The following LPP variants were observed in gnomAD, a reference collection of about 807,000 sequenced individuals.
The protein encoded by LPP is LIM domain containing preferred translocation partner in lipoma, also known as lipoma-preferred partner.
Under a neutral mutation model 60.4 loss-of-function variants are expected in LPP, and 38 were observed. The observed-to-expected ratio is 0.63, with a 90% CI of 0.49 to 0.83. The LOEUF (loss-of-function observed/expected upper bound fraction) is 0.83, where lower values mean the gene tolerates loss of function less well. Ranked by LOEUF, LPP falls within the 40% of genes least tolerant of loss-of-function variation. LPP has a pLI of 0.00. For missense variants in LPP, 902 were observed against 783.6 expected (o/e 1.15, Z -1.80); for synonymous variants, 328 against 290.8 (o/e 1.13, Z -1.30).
At chr3:188,494,626 T>A (rs969982085) in intron 5 of LPP, among the ~76,000 whole-genome samples, 2 of 151,974 alleles carry the variant, frequency 1.3e-5, no homozygotes, top group African/African-American at 4.8e-5. Flanking sequence ...TCAAACTCAC[T>A]TTGCTGCCTG....
chr3:188,461,134 C>T lies in LPP; in HGVS notation c.194-23458C>T, dbSNP rs561147064. Among the ~76,000 whole-genome samples the T allele has an allele frequency of 2.0e-5, 3 of 152,278 alleles. No homozygotes were observed. In the East Asian group the frequency reaches 5.8e-4, roughly 29 times the overall value. The stretch of plus-strand genomic sequence containing the variant: ...GAAAAAGAGTTTCTGACAAAGTGAT[C>T]TGAAGGTAGAATGGGCTGTCCTGGG... On this transcript the variant is annotated intron_variant, in intron 4 of 11. Coordinates refer to ENST00000617246, the MANE Select transcript of LPP (RefSeq NM_001375462.1).
intron 1 of LPP, chr3:188,213,154 C>T (rs374157142): frequency 9.9e-5 from 15 of 152,084 alleles, no homozygotes; most frequent in African/African-American, 1.9e-4. Context: ...GAAGGGATGT[C>T]GGGATGTCTG....
chr3:188,514,505 T>C (rs879823938), intron 5 of LPP, among the ~76,000 whole-genome samples: 1 of 152,014 alleles, frequency 6.6e-6, no homozygotes, highest in Non-Finnish European at 1.5e-5. Flanking sequence ...GGTAAGATCT[T>C]GGCTCACTGC....
Position 188,884,226 on chromosome 3 carries a change from T to C in LPP, c.*9747T>C, listed in dbSNP as rs1770398694. Reference sequence around the variant, plus strand: ...AGCCATTAAGTGACTTGCCAAAAGCTGTGACATAGCTGGGAAGTGGCAGAT... The same window carrying C: ...AGCCATTAAGTGACTTGCCAAAAGCCGTGACATAGCTGGGAAGTGGCAGAT... On this transcript the variant is annotated 3_prime_UTR_variant, in exon 12 of 12. Transcript: ENST00000617246. 4.4e-6 allele frequency: 1 copy of C among 229,812 alleles called. No homozygotes were observed. Among genetic ancestry groups the C allele is most frequent in the East Asian group, 6.2e-5 (1 of 16,094 alleles). The allele number at this position is 229,812 out of a possible 1,614,324, so 14.2% of individuals were successfully genotyped here. A position where few individuals can be genotyped will look rare whatever the true frequency, so the allele number is the denominator to read the frequency against.
At chr3:188,790,822 A>C (rs1743451958) in intron 9 of LPP, among the ~76,000 whole-genome samples, 1 of 13,884 alleles carries the variant, frequency 7.2e-5, no homozygotes, top group Non-Finnish European at 1.4e-4. Context: ...CTCTGTCTCC[A>C]AAAAAAAAAA....
At chr3:188,809,908 G>A (rs893138301) in intron 9 of LPP, among the ~76,000 whole-genome samples, 1 of 152,240 alleles carries the variant, frequency 6.6e-6, no homozygotes, top group East Asian at 1.9e-4. Flanking sequence ...TGGCTAGCCA[G>A]TTTTCCCAGC....
chr3:188,790,821 C>A (rs1421368957), intron 9 of LPP, among the ~76,000 whole-genome samples: 33 of 146,420 alleles, frequency 2.3e-4, no homozygotes, highest in Admixed American at 4.8e-4. Flanking sequence ...ACTCTGTCTC[C>A]AAAAAAAAAA....
intron 6 of LPP, among the ~76,000 whole-genome samples, chr3:188,534,812 A>T (rs1471272494): frequency 6.6e-6 from 1 of 152,226 alleles, no homozygotes; most frequent in Admixed American, 6.5e-5. Context: ...GGTGGTTAAT[A>T]ACTCATCCTA....
At chr3:188,494,783 A>T (rs1053636440) in intron 5 of LPP, among the ~76,000 whole-genome samples, 1 of 152,030 alleles carries the variant, frequency 6.6e-6, no homozygotes. Context: ...TACTGGCTGC[A>T]TGACTGTAAC....
chr3:188,655,811 C>T (rs1165613309), intron 7 of LPP, among the ~76,000 whole-genome samples: 1 of 152,116 alleles, frequency 6.6e-6, no homozygotes, highest in African/African-American at 2.4e-5. Context: ...TTGAACTTTT[C>T]AGTCAAAACC....
chr3:188,609,902 T>C lies in LPP; in HGVS notation c.1113+58T>C, dbSNP rs544714481. On this transcript the variant is annotated intron_variant, in intron 7 of 11. Transcript: ENST00000617246. This position sits in a 1 kb window ranked among gnomAD's most constrained non-coding sequence, Gnocchi z 6.9. Reference sequence around the variant, plus strand: ...CAGGGGTGCCTATCTTAGTCTGCCTTCCCCAGGAAGCGAAGCCTAAGGCAA... The same window carrying C: ...CAGGGGTGCCTATCTTAGTCTGCCTCCCCCAGGAAGCGAAGCCTAAGGCAA... 7 of 1,514,046 alleles carry C rather than the reference T, an allele frequency of 4.6e-6. No individual in the cohort carries two copies. The highest frequency in any genetic ancestry group is 1.8e-6 in the Non-Finnish European group (2 of 1,126,476). 93.8% of individuals were successfully genotyped at this position (1,514,046 alleles called of 1,614,324 possible). A position where few individuals can be genotyped will look rare whatever the true frequency, so the allele number is the denominator to read the frequency against.
chr3:188,314,654 CT>C (rs1403556878), intron 2 of LPP, among the ~76,000 whole-genome samples: 4 of 151,938 alleles, frequency 2.6e-5, no homozygotes, highest in Non-Finnish European at 4.4e-5. Context: ...AATCTCGTCT[CT>C]AATGAAAATA....
intron 3 of LPP, among the ~76,000 whole-genome samples, chr3:188,376,958 C>T (rs1262406035): frequency 6.6e-6 from 1 of 152,126 alleles, no homozygotes; most frequent in Non-Finnish European, 1.5e-5. Context: ...TTCTCCTTCA[C>T]TTATGAAGCT....
chr3:188,619,464 G>A (rs943123895), intron 7 of LPP, among the ~76,000 whole-genome samples: 5 of 152,196 alleles, frequency 3.3e-5, no homozygotes, highest in Admixed American at 2.0e-4. Context: ...GTTCAGGAAG[G>A]CAGCCCAGAG....
chr3:188,174,940 A>G (rs1189823448), intron 1 of LPP, among the ~76,000 whole-genome samples: 1 of 152,030 alleles, frequency 6.6e-6, no homozygotes, highest in Non-Finnish European at 1.5e-5. Flanking sequence ...AGTTATCAAT[A>G]TGCTCGTCTT....
At chr3:188,623,527 GGATT>G (rs1373636634) in intron 7 of LPP, among the ~76,000 whole-genome samples, 3 of 152,078 alleles carry the variant, frequency 2.0e-5, no homozygotes, top group Non-Finnish European at 4.4e-5. Context: ...CAAAGTCCTG[GGATT>G]ACAGGCATGA....
At chr3:188,345,397 G>A (rs1337418060) in intron 3 of LPP, among the ~76,000 whole-genome samples, 3 of 152,000 alleles carry the variant, frequency 2.0e-5, no homozygotes, top group Non-Finnish European at 4.4e-5. Context: ...GTTGTTTGAC[G>A]CTGACATCAT....
At chr3:188,668,262 T>A (rs1856225831) in intron 7 of LPP, among the ~76,000 whole-genome samples, 1 of 152,234 alleles carries the variant, frequency 6.6e-6, no homozygotes. Context: ...TTAGCTTTTT[T>A]TCTTGACTCT....
At chr3:188,790,626 G>A (rs946263894) in intron 9 of LPP, among the ~76,000 whole-genome samples, 3 of 152,050 alleles carry the variant, frequency 2.0e-5, no homozygotes, top group Non-Finnish European at 4.4e-5. Context: ...TTCAAGACTA[G>A]CCTGGCCAAC....
Sources: gnomAD v4.1 joint callset for allele counts (sites outside exome capture counted in the v4.1 genomes callset) on GRCh38, gnomAD v4.1.1 for gene constraint, Gnocchi (gnomAD v3.1) non-coding constraint, MANE v1.5 for transcripts, NCBI Gene and HGNC (gene_info 2026-07-23, HGNC 2026-07-21) for gene names.